Variants in RBFOX2 observed in about 807,000 individuals in gnomAD.
The protein encoded by RBFOX2 is RNA binding fox-1 homolog 2.
A neutral mutation model predicts 49.1 loss-of-function variants in RBFOX2; 10 were observed. The observed-to-expected ratio is 0.20, with a 90% CI of 0.13 to 0.35. The LOEUF (loss-of-function observed/expected upper bound fraction) is 0.35, where lower values mean the gene tolerates loss of function less well. RBFOX2 is among the 10% of genes least tolerant of loss of function. The pLI is 1.00. For synonymous variants in RBFOX2, 183 were observed against 187.4 expected, an observed-to-expected ratio of 0.98 and a Z score of 0.19; for missense variants, 323 against 486.9, an observed-to-expected ratio of 0.66 and a Z score of 3.17.
intron 1 of RBFOX2, chr22:36,000,261 A>G (rs2058361221): frequency 6.6e-6 from 1 of 152,140 alleles, no homozygotes; most frequent in African/African-American, 2.4e-5. Context: ...TCGGCCTCCT[A>G]AAGTGCTGGA....
At chr22:35,920,675 C>T (rs1195166071) in intron 1 of RBFOX2, among the ~76,000 whole-genome samples, 4 of 152,116 alleles carry the variant, frequency 2.6e-5, no homozygotes, top group Admixed American at 6.5e-5. Flanking sequence ...CAAAACAAGA[C>T]GGACTTTAGC....
intron 1 of RBFOX2, among the ~76,000 whole-genome samples, chr22:35,913,631 A>G (rs750982252): frequency 5.3e-5 from 8 of 151,584 alleles, no homozygotes; most frequent in Non-Finnish European, 8.8e-5. Flanking sequence ...AATTTCTATG[A>G]TATCTATAAA....
At chr22:35,971,783 G>T (rs1159236390) in intron 1 of RBFOX2, among the ~76,000 whole-genome samples, 1 of 151,966 alleles carries the variant, frequency 6.6e-6, no homozygotes, top group African/African-American at 2.4e-5. Context: ...AGCTGCACAG[G>T]AAGTGCTGAG....
chr22:35,942,304 C>A (rs2053773882), upstream of RBFOX2, among the ~76,000 whole-genome samples: 2 of 152,020 alleles, frequency 1.3e-5, no homozygotes, highest in Non-Finnish European at 2.9e-5. Context: ...TACTCTCACA[C>A]CTAATAGTAG....
chr22:35,784,577 C>CT (rs1945967885), intron 2 of RBFOX2, among the ~76,000 whole-genome samples: 1 of 152,248 alleles, frequency 6.6e-6, no homozygotes, highest in African/African-American at 2.4e-5. Context: ...CTTTCTAAGG[C>CT]TTCCACTGCC....
At chr22:35,984,057 C>A (rs1325896381) in intron 1 of RBFOX2, among the ~76,000 whole-genome samples, 1 of 152,092 alleles carries the variant, frequency 6.6e-6, no homozygotes, top group East Asian at 1.9e-4. Context: ...TTCTTAATGA[C>A]TGACCTCTTG....
chr22:35,739,478 T>C (rs1213035290), exon 12 of RBFOX2: 1 of 152,268 alleles, frequency 6.6e-6, no homozygotes, highest in Non-Finnish European at 1.5e-5. Flanking sequence ...ACAATTCATA[T>C]CCCTTAGGGA....
At chr22:35,779,841 T>A (rs1465380495) in intron 3 of RBFOX2, among the ~76,000 whole-genome samples, 1 of 152,218 alleles carries the variant, frequency 6.6e-6, no homozygotes, top group African/African-American at 2.4e-5. Flanking sequence ...TTTTGCACTT[T>A]ATGCCTTATG....
intron 1 of RBFOX2, among the ~76,000 whole-genome samples, chr22:35,858,957 C>A (rs2042830415): frequency 6.6e-6 from 1 of 151,864 alleles, no homozygotes; most frequent in Non-Finnish European, 1.5e-5. Context: ...TCACCACATA[C>A]AGACCATCCC....
At chr22:35,923,789 T>C (rs1242262814) in intron 1 of RBFOX2, among the ~76,000 whole-genome samples, 3 of 149,310 alleles carry the variant, frequency 2.0e-5, no homozygotes, top group Non-Finnish European at 3.0e-5. Context: ...GCAATACCCA[T>C]TACAGGTATT....
At chr22:35,913,210 G>T (rs1294049704) in intron 1 of RBFOX2, among the ~76,000 whole-genome samples, 1 of 151,964 alleles carries the variant, frequency 6.6e-6, no homozygotes, top group Admixed American at 6.6e-5. Flanking sequence ...GCAGTGGCTG[G>T]TGCCTATAAT....
chr22:35,915,778 C>T (rs1042403186), intron 1 of RBFOX2, among the ~76,000 whole-genome samples: 4 of 152,180 alleles, frequency 2.6e-5, no homozygotes, highest in African/African-American at 9.7e-5. Flanking sequence ...AAGCCATACC[C>T]TCTCCCAGGC....
intron 2 of RBFOX2, among the ~76,000 whole-genome samples, chr22:35,804,623 G>A (rs1950367067): frequency 1.3e-5 from 2 of 152,014 alleles, no homozygotes; most frequent in African/African-American, 4.8e-5. Flanking sequence ...GCTGGGGGGT[G>A]GAGGAAGAAA....
chr22:35,845,828 G>A (rs1214832332), intron 1 of RBFOX2, among the ~76,000 whole-genome samples: 3 of 152,118 alleles, frequency 2.0e-5, no homozygotes, highest in Admixed American at 1.3e-4. Flanking sequence ...GGCATGCCAC[G>A]AATATGCCAT....
intron 1 of RBFOX2, among the ~76,000 whole-genome samples, chr22:35,926,080 T>C (rs1370861306): frequency 6.6e-6 from 1 of 152,236 alleles, no homozygotes; most frequent in East Asian, 1.9e-4. Context: ...AACTATATTG[T>C]CCACCAACTA....
chr22:35,961,535 C>T (rs1367802469), intron 1 of RBFOX2: 3 of 1,303,432 alleles, frequency 2.3e-6, no homozygotes, highest in South Asian at 1.2e-5. Flanking sequence ...CACTCCACCA[C>T]CCCCCACACA....
intron 1 of RBFOX2, among the ~76,000 whole-genome samples, chr22:35,933,009 C>T (rs934467102): frequency 1.3e-5 from 2 of 152,174 alleles, no homozygotes; most frequent in Non-Finnish European, 2.9e-5. Flanking sequence ...CATATGAAGA[C>T]TTCATGCTCC....
intron 3 of RBFOX2, among the ~76,000 whole-genome samples, chr22:35,778,811 A>G (rs941583602): frequency 6.6e-6 from 1 of 152,060 alleles, no homozygotes; most frequent in African/African-American, 2.4e-5. Context: ...TAATTTTTGT[A>G]TTTTTAGTAG....
chr22:35,844,651 T>G (rs866407812), upstream of RBFOX2, among the ~76,000 whole-genome samples: 73 of 148,810 alleles, frequency 4.9e-4, no homozygotes, highest in African/African-American at 1.8e-3. Flanking sequence ...CACACCACCA[T>G]GCCCGGCAGT....
Sources: allele counts gnomAD v4.1 joint callset (sites outside exome capture counted in the v4.1 genomes callset), GRCh38; gene constraint gnomAD v4.1.1; transcripts MANE v1.5; gene names NCBI Gene and HGNC (gene_info 2026-07-23, HGNC 2026-07-21).